The following FHIT variants were observed in gnomAD, a reference collection of about 807,000 sequenced individuals.
FHIT encodes the protein fragile histidine triad diadenosine triphosphatase, also known as bis(5'-adenosyl)-triphosphatase.
FHIT carries 19 observed loss-of-function variants against 17.9 expected under a neutral mutation model. That is an observed-to-expected ratio of 1.06 (90% confidence interval 0.74 to 1.56). The LOEUF is 1.56. Ranked by LOEUF, FHIT falls within the 40% of genes most tolerant of loss-of-function variation. The pLI is 0.00. For synonymous variants in FHIT, 81 were observed against 69.7 expected (o/e 1.16, Z -0.81); for missense variants, 248 against 189.2 (o/e 1.31, Z -1.82).
intron 8 of FHIT, among the ~76,000 whole-genome samples, chr3:59,830,445 T>G (rs946902473): frequency 6.6e-6 from 1 of 152,196 alleles, no homozygotes; most frequent in Non-Finnish European, 1.5e-5. Flanking sequence ...AGATGTATAA[T>G]TAGCTCCCTG....
At chr3:60,635,236 A>C (rs1457655486) in intron 4 of FHIT, among the ~76,000 whole-genome samples, 1 of 152,000 alleles carries the variant, frequency 6.6e-6, no homozygotes, top group East Asian at 1.9e-4. Flanking sequence ...AATTCAGCCT[A>C]TTTGTTTCCT....
chr3:60,480,974 C>T (rs2107473974), intron 5 of FHIT, among the ~76,000 whole-genome samples: 1 of 152,316 alleles, frequency 6.6e-6, no homozygotes, highest in Admixed American at 6.5e-5. Context: ...TTGGGGGTGC[C>T]AACCCCACAT....
At chr3:60,691,989 T>G (rs2041002912) in intron 4 of FHIT, among the ~76,000 whole-genome samples, 1 of 152,202 alleles carries the variant, frequency 6.6e-6, no homozygotes, top group Non-Finnish European at 1.5e-5. Context: ...AGACCGTGTT[T>G]GCCAAGAAAA....
intron 5 of FHIT, among the ~76,000 whole-genome samples, chr3:60,160,556 G>C (rs1478061783): frequency 6.6e-6 from 1 of 152,192 alleles, no homozygotes; most frequent in Non-Finnish European, 1.5e-5. Context: ...GACTTCTCAA[G>C]CTGGAGCCCT....
chr3:61,153,693 G>C (rs1056341962), intron 2 of FHIT, among the ~76,000 whole-genome samples: 3 of 152,110 alleles, frequency 2.0e-5, no homozygotes, highest in Non-Finnish European at 4.4e-5. Flanking sequence ...CCTAAAACTT[G>C]TAAGTGGAAG....
chr3:61,096,764 T>A (rs2035651752), intron 2 of FHIT, among the ~76,000 whole-genome samples: 1 of 152,120 alleles, frequency 6.6e-6, no homozygotes, highest in East Asian at 1.9e-4. Flanking sequence ...GATGCCATCT[T>A]TTTCTAAATT....
chr3:60,988,993 T>G (rs892098659), intron 3 of FHIT, among the ~76,000 whole-genome samples: 1 of 128,532 alleles, frequency 7.8e-6, no homozygotes, highest in Non-Finnish European at 1.6e-5. Flanking sequence ...ATTTGGTAAC[T>G]GAGTAGAGAC....
At chr3:61,029,397 T>C (rs1190237678) in intron 3 of FHIT, among the ~76,000 whole-genome samples, 1 of 152,234 alleles carries the variant, frequency 6.6e-6, no homozygotes, top group Non-Finnish European at 1.5e-5. Flanking sequence ...ATTCTGTAGA[T>C]GAACAATGTG....
chr3:60,355,087 G>C (rs1699588777), intron 5 of FHIT, among the ~76,000 whole-genome samples: 1 of 152,020 alleles, frequency 6.6e-6, no homozygotes, highest in Admixed American at 6.6e-5. Flanking sequence ...ACAAAAGAAG[G>C]GTAAATTAGT....
intron 2 of FHIT, among the ~76,000 whole-genome samples, chr3:61,186,738 C>G (rs1482463323): frequency 6.6e-6 from 1 of 152,202 alleles, no homozygotes; most frequent in Non-Finnish European, 1.5e-5. Flanking sequence ...AGAAGCCTCA[C>G]CTTTCATCGT....
intron 3 of FHIT, among the ~76,000 whole-genome samples, chr3:61,037,324 G>A (rs2033306507): frequency 6.6e-6 from 1 of 151,998 alleles, no homozygotes; most frequent in Non-Finnish European, 1.5e-5. Context: ...ATCCACCCAG[G>A]GAGTGTCGCT....
intron 4 of FHIT, among the ~76,000 whole-genome samples, chr3:60,613,761 G>C (rs1553674634): frequency 1.3e-5 from 2 of 151,840 alleles, no homozygotes; most frequent in African/African-American, 4.8e-5. Flanking sequence ...GCCTTTAAGA[G>C]CTTATAAGGG....
intron 5 of FHIT, among the ~76,000 whole-genome samples, chr3:60,148,150 G>A (rs960787274): frequency 6.6e-6 from 1 of 152,100 alleles, no homozygotes; most frequent in African/African-American, 2.4e-5. Flanking sequence ...GAAAATAAAT[G>A]TAAACCTACA....
chr3:59,953,182 C>G (rs530794027), intron 7 of FHIT, among the ~76,000 whole-genome samples: 107 of 152,028 alleles, frequency 7.0e-4, no homozygotes, highest in African/African-American at 2.5e-3. Flanking sequence ...CTGTCTCTAT[C>G]TCTTCTTGTC....
rs113469865 is a variant in FHIT, at chr3:60,447,100, A to G, written c.103+89760T>C. Among the ~76,000 whole-genome samples, 102 of 152,148 alleles carry G rather than the reference A, an allele frequency of 6.7e-4. 1 individual carries two copies. Among genetic ancestry groups the G allele is most frequent in the African/African-American group, 2.4e-3 (101 of 41,532 alleles). On this transcript the variant is annotated intron_variant, in intron 5 of 9. Transcript: ENST00000492590. Reference sequence around the variant, plus strand: ...TCAACTGCTCCTTGAGCCAAAACCCAGCAAATTCCCTGAAGGGAAAAGCAG... The same window carrying G: ...TCAACTGCTCCTTGAGCCAAAACCCGGCAAATTCCCTGAAGGGAAAAGCAG...
chr3:60,520,804 G>A (rs1163370338), intron 5 of FHIT, among the ~76,000 whole-genome samples: 5 of 151,918 alleles, frequency 3.3e-5, no homozygotes, highest in Admixed American at 3.3e-4. Context: ...ACCCCCTGAG[G>A]GTTTAATTTA....
chr3:60,435,442 AT>A (rs11347167), intron 5 of FHIT, among the ~76,000 whole-genome samples: 98,435 of 151,044 alleles, frequency 0.65, 32,657 homozygotes, highest in Non-Finnish European at 0.7. Context: ...AATAAAAATG[AT>A]TTTTTTTTTT....
intron 4 of FHIT, among the ~76,000 whole-genome samples, chr3:60,714,157 A>G (rs1171075796): frequency 1.3e-5 from 2 of 152,246 alleles, no homozygotes; most frequent in African/African-American, 4.8e-5. Context: ...GTAATCCAGC[A>G]TATAAACAGA....
chr3:61,246,503 C>T (rs1285934418), intron 1 of FHIT, among the ~76,000 whole-genome samples: 2 of 152,136 alleles, frequency 1.3e-5, no homozygotes, highest in African/African-American at 2.4e-5. Flanking sequence ...TAAACAATTT[C>T]CCAAATGCCC....
Sources: gnomAD v4.1 joint callset for allele counts (sites outside exome capture counted in the v4.1 genomes callset) on GRCh38, gnomAD v4.1.1 for gene constraint, MANE v1.5 for transcripts, NCBI Gene and HGNC (gene_info 2026-07-23, HGNC 2026-07-21) for gene names.